HFM1: variants seen among roughly 807,000 people sequenced by gnomAD.
HFM1 encodes helicase for meiosis 1, also known as probable ATP-dependent DNA helicase HFM1.
Under a neutral mutation model 192.1 loss-of-function variants are expected in HFM1, and 169 were observed. The observed-to-expected ratio is 0.88, with a 90% CI of 0.78 to 1.00. HFM1 has a LOEUF of 1.00. Ranked by LOEUF, HFM1 falls within the 50% of genes least tolerant of loss-of-function variation. The probability of loss-of-function intolerance (pLI) is 0.00; values close to 1 mark genes in which losing one functional copy is unlikely to be tolerated. For missense variants in HFM1, 1,661 were observed against 1,668.0 expected, an observed-to-expected ratio of 1.00 and a Z score of 0.07; for synonymous variants, 525 against 537.8, an observed-to-expected ratio of 0.98 and a Z score of 0.33.
At position 91,380,252 on chromosome 1, in the gene HFM1, T is replaced by C. The variant is rs775860222; in HGVS notation, c.874-16A>G. 1 of 1,466,980 alleles carries C rather than the reference T, an allele frequency of 6.8e-7. No homozygotes were observed. Among genetic ancestry groups the C allele is most frequent in the Non-Finnish European group, 9.2e-7 (1 of 1,090,190 alleles). 90.9% of individuals were successfully genotyped at this position (1,466,980 alleles called of 1,614,324 possible). A position where few individuals can be genotyped will look rare whatever the true frequency, so the allele number is the denominator to read the frequency against. Reference sequence around the variant, plus strand: ...TGTAAAGAAGCTAAAAAATAAAAAGTAATCAATCATGTAACATATAGACTT... The same window carrying C: ...TGTAAAGAAGCTAAAAAATAAAAAGCAATCAATCATGTAACATATAGACTT... On this transcript the variant is annotated splice_polypyrimidine_tract_variant and intron_variant, in intron 7 of 38. Transcript: ENST00000370425.
chr1:91,358,293 A>AT (rs1279686981), intron 13 of HFM1, among the ~76,000 whole-genome samples: 2 of 151,960 alleles, frequency 1.3e-5, no homozygotes, highest in Admixed American at 6.6e-5. Context: ...CAAAAAAAAA[A>AT]TTTTTTTTCA....
At chr1:91,399,312 GAT>G (rs1469638572) in intron 2 of HFM1, among the ~76,000 whole-genome samples, 1 of 152,020 alleles carries the variant, frequency 6.6e-6, no homozygotes, top group Admixed American at 6.6e-5. Context: ...GAGAGAAACA[GAT>G]AAGCAAATGG....
At chr1:91,398,905 C>A (rs1480419484) in intron 2 of HFM1, among the ~76,000 whole-genome samples, 1 of 152,088 alleles carries the variant, frequency 6.6e-6, no homozygotes, top group Non-Finnish European at 1.5e-5. Context: ...GTTGGCCAGG[C>A]TAGTCTCAAA....
At chr1:91,395,139 T>G (rs1231109751) in intron 3 of HFM1, among the ~76,000 whole-genome samples, 1 of 152,102 alleles carries the variant, frequency 6.6e-6, no homozygotes, top group East Asian at 1.9e-4. Flanking sequence ...TCACATACAT[T>G]GTTTGAGTGT....
chr1:91,378,522 G>T, intron 9 of HFM1, 42 bp from the exon 10 acceptor site: 1 of 1,157,076 alleles, frequency 8.6e-7, no homozygotes, highest in Non-Finnish European at 1.3e-6. Flanking sequence ...AATGTGATAA[G>T]GAATTATAAT....
chr1:91,297,962 A>AGAG (rs1570846182), intron 30 of HFM1, among the ~76,000 whole-genome samples: 1 of 152,310 alleles, frequency 6.6e-6, no homozygotes, highest in Non-Finnish European at 1.5e-5. Flanking sequence ...ATGAGTTGAG[A>AGAG]GAAGGCTTCA....
intron 18 of HFM1, among the ~76,000 whole-genome samples, chr1:91,348,954 A>C (rs1656547307): frequency 6.6e-6 from 1 of 151,704 alleles, no homozygotes; most frequent in South Asian, 2.1e-4. Context: ...CTAAGAAAAA[A>C]AGGAATGTGC....
chr1:91,349,117 G>A (rs373724702), intron 18 of HFM1, among the ~76,000 whole-genome samples: 12 of 152,038 alleles, frequency 7.9e-5, no homozygotes, highest in Admixed American at 5.9e-4. Flanking sequence ...GTGAAGCGCC[G>A]TCTCTGCTAA....
chr1:91,392,302 G>A (rs558914866), intron 4 of HFM1, among the ~76,000 whole-genome samples: 1 of 152,296 alleles, frequency 6.6e-6, no homozygotes, highest in East Asian at 1.9e-4. Flanking sequence ...GCACACGTAT[G>A]TTTATTGCGG....
At chr1:91,351,023 G>C (rs909269582) in intron 17 of HFM1, 152 bp from the exon 18 acceptor site, 6 of 613,012 alleles carry the variant, frequency 9.8e-6, no homozygotes, top group African/African-American at 1.9e-5. Flanking sequence ...ACCTTAAAAA[G>C]TCAGTTCAAC....
At chr1:91,313,640 A>G (rs1650792091) in intron 29 of HFM1, 145 bp from the exon 30 acceptor site, 1 of 459,694 alleles carries the variant, frequency 2.2e-6, no homozygotes, top group South Asian at 9.9e-5. Context: ...GAAAGGTTAA[A>G]AAATATGACA....
At chr1:91,332,364 C>G (rs1390483067) in intron 20 of HFM1, among the ~76,000 whole-genome samples, 1 of 152,070 alleles carries the variant, frequency 6.6e-6, no homozygotes, top group African/African-American at 2.4e-5. Context: ...AAGACAGTCT[C>G]TTCAATAAAT....
intron 1 of HFM1, among the ~76,000 whole-genome samples, chr1:91,402,275 C>T (rs933617179): frequency 6.6e-6 from 1 of 152,126 alleles, no homozygotes; most frequent in Non-Finnish European, 1.5e-5. Context: ...TTTCCACATA[C>T]AACACTTGAC....
At position 91,375,895 on chromosome 1, in the gene HFM1, T is replaced by C. The variant is rs564563403; in HGVS notation, c.1396-168A>G. Among the ~76,000 whole-genome samples the C allele has an allele frequency of 4.6e-5, 7 of 152,046 alleles. No individual in the cohort carries two copies. The East Asian group carries it at 1.2e-3, about 25-fold the overall frequency. ...CATTAATATTATTCTGTTGATATAG[T>C]GGTCAACACTACCAATAGTAGTATT... On this transcript the variant is annotated intron_variant, in intron 11 of 38. Coordinates refer to ENST00000370425, the MANE Select transcript of HFM1 (RefSeq NM_001017975.6).
Position 91,314,060 on chromosome 1 carries a change from C to T in HFM1, c.3141G>A (p.Thr1047=), listed in dbSNP as rs1328464856. The change falls in exon 29 of 39, where the codon ACG becomes ACA. Residue 1047 remains threonine (T), a splice_region_variant and synonymous_variant. Coordinates refer to ENST00000370425, the MANE Select transcript of HFM1 (RefSeq NM_001017975.6). ...DNQVVYLHKI[T]DSVLLKAGSW... is the part of the protein sequence containing the mutation. ...TTCCAGCTTTTAGCAAAACAGAATC[C>T]CTGAAAAATAGTATAGTTTAAATAG... 1.3e-6 allele frequency: 2 copies of T among 1,582,664 alleles called. No homozygotes were observed. The highest frequency in any genetic ancestry group is 1.7e-5 in the Admixed American group (1 of 59,402).
At chr1:91,345,365 T>C (rs1435640261) in intron 19 of HFM1, among the ~76,000 whole-genome samples, 1 of 151,884 alleles carries the variant, frequency 6.6e-6, no homozygotes, top group Non-Finnish European at 1.5e-5. Context: ...TTGGTGAGAG[T>C]AGAATAAAAG....
At chr1:91,322,645 T>C (rs1049788659) in intron 23 of HFM1, among the ~76,000 whole-genome samples, 1 of 152,112 alleles carries the variant, frequency 6.6e-6, no homozygotes, top group East Asian at 1.9e-4. Context: ...TTTCATACTG[T>C]CCATTATTTT....
At chr1:91,336,139 T>A (rs1232776110) in intron 20 of HFM1, among the ~76,000 whole-genome samples, 1 of 138,796 alleles carries the variant, frequency 7.2e-6, no homozygotes, top group African/African-American at 2.8e-5. Context: ...CTAAAATCCC[T>A]CCTACCCTCC....
intron 30 of HFM1, among the ~76,000 whole-genome samples, chr1:91,299,760 G>C (rs1453260021): frequency 1.3e-5 from 2 of 152,110 alleles, no homozygotes; most frequent in Non-Finnish European, 2.9e-5. Context: ...CAACATACCA[G>C]AATCTCTGGG....
Sources: allele counts gnomAD v4.1 joint callset (sites outside exome capture counted in the v4.1 genomes callset), GRCh38; gene constraint gnomAD v4.1.1; transcripts MANE v1.5; gene names NCBI Gene and HGNC (gene_info 2026-07-23, HGNC 2026-07-21).